Variants in SEC23A observed in about 807,000 individuals in gnomAD.
The protein encoded by SEC23A is protein transport protein Sec23A.
In SEC23A, 56 loss-of-function variants were observed where a neutral mutation model predicts 103.7. That is an observed-to-expected ratio of 0.54 (90% CI 0.44 to 0.67). The LOEUF (loss-of-function observed/expected upper bound fraction) is 0.67, where lower values mean the gene tolerates loss of function less well. Ranked by LOEUF, SEC23A falls within the 30% of genes least tolerant of loss-of-function variation. The pLI, the probability that SEC23A is intolerant of heterozygous loss-of-function variation, is 0.00. For missense variants in SEC23A, 784 were observed against 936.4 expected (o/e 0.84, Z 2.12); for synonymous variants, 281 against 293.0 (o/e 0.96, Z 0.42).
At chr14:39,086,707 A>G (rs1887456950) in intron 6 of SEC23A, among the ~76,000 whole-genome samples, 1 of 152,218 alleles carries the variant, frequency 6.6e-6, no homozygotes, top group Non-Finnish European at 1.5e-5. Flanking sequence ...AAAAATAAGG[A>G]AAATAACAAA....
chr14:39,058,369 G>A (rs567415049), intron 13 of SEC23A, among the ~76,000 whole-genome samples: 45 of 151,862 alleles, frequency 3.0e-4, no homozygotes, highest in South Asian at 8.3e-4. Flanking sequence ...CTGCAGTGGC[G>A]CAATCTCGGC....
At chr14:39,095,624 T>C (rs1887858569) in intron 2 of SEC23A, among the ~76,000 whole-genome samples, 1 of 152,094 alleles carries the variant, frequency 6.6e-6, no homozygotes, top group Non-Finnish European at 1.5e-5. Context: ...TGATGCAAGA[T>C]GGGTTGATAC....
Position 39,032,408 on chromosome 14 carries a change from T to G in SEC23A, c.*831A>C, listed in dbSNP as rs1885333035. On this transcript the variant is annotated 3_prime_UTR_variant, in exon 20 of 20. Transcript: ENST00000307712. Reference sequence around the variant, plus strand: ...TGAAGGATATAATGCAAAATTTACCTCTGAAAAACAAGGGGAAAACAACAA... The same window carrying G: ...TGAAGGATATAATGCAAAATTTACCGCTGAAAAACAAGGGGAAAACAACAA... 1 of 152,552 alleles carries G rather than the reference T, an allele frequency of 6.6e-6. No individual in the cohort carries two copies. Among genetic ancestry groups the G allele is most frequent in the Non-Finnish European group, 1.5e-5 (1 of 67,994 alleles). 9.4% of individuals were successfully genotyped at this position (152,552 alleles called of 1,614,324 possible). A position where few individuals can be genotyped will look rare whatever the true frequency, so the allele number is the denominator to read the frequency against.
At chr14:39,086,660 A>C (rs1274695930) in intron 6 of SEC23A, among the ~76,000 whole-genome samples, 1 of 152,124 alleles carries the variant, frequency 6.6e-6, no homozygotes, top group Non-Finnish European at 1.5e-5. Context: ...CTGCCCTAAA[A>C]CCACACAAAA....
chr14:39,084,755 C>T (rs10140341), intron 7 of SEC23A, among the ~76,000 whole-genome samples: 35,470 of 152,106 alleles, frequency 0.23, 4,619 homozygotes, highest in Middle Eastern at 0.37. Context: ...CTGCAACCTC[C>T]GCCTCTTGGG....
At chr14:39,047,316 T>C (rs528511797) in intron 15 of SEC23A, 10 of 1,036,106 alleles carry the variant, frequency 9.7e-6, no homozygotes, top group Admixed American at 2.4e-5. Context: ...CCTCCATCAC[T>C]TTCCTATTAG....
At position 39,074,423 on chromosome 14, in the gene SEC23A, G is replaced by A. The variant is rs746741648; in HGVS notation, c.1095C>T (p.Asn365=). The part of the protein sequence containing the change: ...TGLLEMKCCP[N]LTGGYMVMGD... ...AAAATTTAAATACATACCCAGTAAG[G>A]TTGGGACAGCATTTCATCTCCAGGA... The change falls in exon 9 of 20, where the codon AAC becomes AAT. Residue 365 remains asparagine (N), a synonymous_variant. Coordinates refer to ENST00000307712, the MANE Select transcript of SEC23A (RefSeq NM_006364.4). 6.3e-7 allele frequency: 1 copy of A among 1,599,086 alleles called. No individual in the cohort carries two copies.
chr14:39,082,159 T>G (rs1296750685), intron 7 of SEC23A, among the ~76,000 whole-genome samples: 1 of 151,984 alleles, frequency 6.6e-6, no homozygotes, highest in Non-Finnish European at 1.5e-5. Flanking sequence ...TCAAAGTAAA[T>G]TATGATAGTA....
intron 15 of SEC23A, among the ~76,000 whole-genome samples, chr14:39,045,719 T>C (rs1185862017): frequency 6.6e-6 from 1 of 152,180 alleles, no homozygotes; most frequent in Non-Finnish European, 1.5e-5. Context: ...CTTGCTCAAA[T>C]CTAAGTTATT....
At chr14:39,089,173 A>G (rs1264309418) in intron 5 of SEC23A, among the ~76,000 whole-genome samples, 5 of 151,404 alleles carry the variant, frequency 3.3e-5, no homozygotes, top group Non-Finnish European at 7.4e-5. Context: ...GTCAAAAAAA[A>G]AAAAAAAAAG....
intron 19 of SEC23A, among the ~76,000 whole-genome samples, chr14:39,037,802 C>A (rs1003772666): frequency 2.0e-5 from 3 of 152,184 alleles, no homozygotes; most frequent in South Asian, 2.1e-4. Context: ...AGTTGCCATG[C>A]CCTGGAATAA....
chr14:39,094,450 T>A lies in SEC23A; in HGVS notation c.222-1206A>T, dbSNP rs1222768474. On this transcript the variant is annotated intron_variant, in intron 2 of 19. Transcript: ENST00000307712. ...TATATATATATATATATATTTTTTT[T>A]TTTTTTTTTTCCCCTCCTGTAGAAA... 9.4e-4 allele frequency among the ~76,000 whole-genome samples: 65 copies of A among 68,864 alleles called. 6 individuals are homozygous for A. The highest frequency in any genetic ancestry group is 1.3e-3 in the African/African-American group (15 of 11,542). The allele number at this position is 68,864 out of a possible 152,430, so 45.2% of individuals were successfully genotyped here.
chr14:39,055,812 C>T (rs1886225937), intron 13 of SEC23A, among the ~76,000 whole-genome samples: 1 of 152,190 alleles, frequency 6.6e-6, no homozygotes, highest in African/African-American at 2.4e-5. Flanking sequence ...ACAAATTTTC[C>T]TTTCTCTTAC....
chr14:39,066,919 T>C (rs1886685848), intron 10 of SEC23A, among the ~76,000 whole-genome samples: 1 of 151,940 alleles, frequency 6.6e-6, no homozygotes, highest in African/African-American at 2.4e-5. Context: ...AAGAAAAAAA[T>C]TAAAAAGTTA....
intron 16 of SEC23A, 107 bp downstream of exon 16, chr14:39,045,056 T>G (rs977998382): frequency 1.1e-6 from 1 of 951,260 alleles, no homozygotes; most frequent in Non-Finnish European, 1.6e-6. Flanking sequence ...TTCTTTTAGT[T>G]AAATTCTTAT....
At chr14:39,069,311 A>G (rs1594461891) in intron 9 of SEC23A, among the ~76,000 whole-genome samples, 1 of 152,294 alleles carries the variant, frequency 6.6e-6, no homozygotes, top group Non-Finnish European at 1.5e-5. Flanking sequence ...CCTCTGTTGA[A>G]AACTCTCCAA....
chr14:39,094,395 CACATATAT>C lies in SEC23A; in HGVS notation c.222-1159_222-1152del, dbSNP rs1369365818. On this transcript the variant is annotated intron_variant, in intron 2 of 19. Coordinates refer to ENST00000307712, the MANE Select transcript of SEC23A (RefSeq NM_006364.4). Reference sequence around the variant, plus strand: ...ATATACACACACACACACACACACACACATATATATATATATATATATATATATATATA... The same window carrying C: ...ATATACACACACACACACACACACACATATATATATATATATATATATATA... Among the ~76,000 whole-genome samples, 38 of 11,114 alleles carry C rather than the reference CACATATAT, an allele frequency of 3.4e-3. 6 individuals are homozygous for C. Among genetic ancestry groups the C allele is most frequent in the African/African-American group, 5.1e-3 (24 of 4,690 alleles). 7.3% of individuals were successfully genotyped at this position (11,114 alleles called of 152,430 possible). A position where few individuals can be genotyped will look rare whatever the true frequency, so the allele number is the denominator to read the frequency against.
At chr14:39,045,741 G>A (rs1387705850) in intron 15 of SEC23A, among the ~76,000 whole-genome samples, 24 of 152,316 alleles carry the variant, frequency 1.6e-4, no homozygotes, top group African/African-American at 4.1e-4. Context: ...AGAGGCTGAC[G>A]CCAGGTAGTA....
At chr14:39,058,283 T>A (rs1437374682) in intron 13 of SEC23A, among the ~76,000 whole-genome samples, 1 of 148,974 alleles carries the variant, frequency 6.7e-6, no homozygotes, top group Non-Finnish European at 1.5e-5. Context: ...CCCTTCTTTC[T>A]GTATTTTTTT....
Sources: gnomAD v4.1 joint callset for allele counts (sites outside exome capture counted in the v4.1 genomes callset) on GRCh38, gnomAD v4.1.1 for gene constraint, MANE v1.5 for transcripts, NCBI Gene and HGNC (gene_info 2026-07-23, HGNC 2026-07-21) for gene names.